Variants in RALGAPA2 observed in about 807,000 individuals in gnomAD.
The protein encoded by RALGAPA2 is ral GTPase-activating protein subunit alpha-2.
In RALGAPA2, 139 loss-of-function variants were observed where a neutral mutation model predicts 230.4. That is an observed-to-expected ratio of 0.60 (90% CI 0.53 to 0.69). The LOEUF (loss-of-function observed/expected upper bound fraction) is 0.69, where lower values mean the gene tolerates loss of function less well. RALGAPA2 is among the 30% of genes least tolerant of loss of function. The pLI is 0.00. For missense variants in RALGAPA2, 2,163 were observed against 2,276.0 expected (o/e 0.95, Z 1.01); for synonymous variants, 847 against 837.8 (o/e 1.01, Z -0.19).
intron 4 of RALGAPA2, among the ~76,000 whole-genome samples, chr20:20,647,329 G>C (rs949369217): frequency 6.6e-6 from 1 of 152,108 alleles, no homozygotes; most frequent in Non-Finnish European, 1.5e-5. Context: ...AAGCAAGAAA[G>C]AGAGAAACTC....
At chr20:20,579,271 G>A (rs911023683) in intron 20 of RALGAPA2, among the ~76,000 whole-genome samples, 6 of 152,176 alleles carry the variant, frequency 3.9e-5, no homozygotes, top group African/African-American at 1.4e-4. Flanking sequence ...AGCTTAAAGT[G>A]TATTTGTTCG....
At chr20:20,652,106 C>T (rs1174775097) in intron 4 of RALGAPA2, among the ~76,000 whole-genome samples, 1 of 152,166 alleles carries the variant, frequency 6.6e-6, no homozygotes, top group Non-Finnish European at 1.5e-5. Flanking sequence ...TTGACATATA[C>T]ACTTTTTTAA....
chr20:20,638,257 T>C (rs974756262), intron 7 of RALGAPA2, among the ~76,000 whole-genome samples: 3 of 152,146 alleles, frequency 2.0e-5, no homozygotes, highest in Non-Finnish European at 4.4e-5. Flanking sequence ...GACCTGTTGG[T>C]GGTTCTTAAT....
chr20:20,496,872 A>G (rs116092063), intron 35 of RALGAPA2, among the ~76,000 whole-genome samples: 247 of 152,286 alleles, frequency 1.6e-3, no homozygotes, highest in African/African-American at 5.8e-3. Context: ...GTACAGGCCA[A>G]TTATTTAAAA....
intron 37 of RALGAPA2, among the ~76,000 whole-genome samples, chr20:20,443,724 G>A (rs1164940924): frequency 1.3e-5 from 2 of 152,222 alleles, no homozygotes; most frequent in Non-Finnish European, 2.9e-5. Context: ...ACTCCTCTGG[G>A]CCTGTTTCCG....
intron 20 of RALGAPA2, among the ~76,000 whole-genome samples, chr20:20,573,973 G>A (rs2064738237): frequency 6.6e-6 from 1 of 152,082 alleles, no homozygotes. Flanking sequence ...CCTGGGTCCG[G>A]TCATAAGTGT....
At chr20:20,673,782 G>C (rs1290401967) in intron 3 of RALGAPA2, among the ~76,000 whole-genome samples, 1 of 152,096 alleles carries the variant, frequency 6.6e-6, no homozygotes, top group East Asian at 1.9e-4. Context: ...AGAAATGCTT[G>C]ACAACAGGTT....
intron 37 of RALGAPA2, among the ~76,000 whole-genome samples, chr20:20,451,092 T>C (rs1015081829): frequency 2.6e-4 from 40 of 152,282 alleles, no homozygotes; most frequent in African/African-American, 9.1e-4. Flanking sequence ...CCTAATAAAT[T>C]TTTAGGCACA....
At chr20:20,553,817 T>C (rs995526880) in intron 23 of RALGAPA2, among the ~76,000 whole-genome samples, 8 of 152,204 alleles carry the variant, frequency 5.3e-5, no homozygotes, top group Admixed American at 4.6e-4. Flanking sequence ...TATAACTGCT[T>C]ATCTACAAAG....
At chr20:20,552,871 A>C (rs2063968314) in intron 23 of RALGAPA2, among the ~76,000 whole-genome samples, 1 of 152,148 alleles carries the variant, frequency 6.6e-6, no homozygotes, top group Non-Finnish European at 1.5e-5. Context: ...GCACAAGGAC[A>C]TACTTTACAT....
chr20:20,511,661 C>T (rs1301514627), intron 32 of RALGAPA2, among the ~76,000 whole-genome samples: 1 of 152,180 alleles, frequency 6.6e-6, no homozygotes, highest in Admixed American at 6.5e-5. Flanking sequence ...CTCCACTCCA[C>T]TATCAGGGTC....
At chr20:20,641,954 C>G (rs374898254) in intron 5 of RALGAPA2, among the ~76,000 whole-genome samples, 1 of 151,582 alleles carries the variant, frequency 6.6e-6, no homozygotes, top group Non-Finnish European at 1.5e-5. Context: ...CAGTACTGCC[C>G]CATTAACGGG....
intron 20 of RALGAPA2, among the ~76,000 whole-genome samples, chr20:20,581,093 T>G (rs1383291835): frequency 6.6e-6 from 1 of 152,170 alleles, no homozygotes; most frequent in Admixed American, 6.6e-5. Flanking sequence ...GTGTACTGAT[T>G]CTCTATATTA....
chr20:20,613,452 T>C (rs1451574980), intron 13 of RALGAPA2, among the ~76,000 whole-genome samples: 1 of 152,230 alleles, frequency 6.6e-6, no homozygotes, highest in Non-Finnish European at 1.5e-5. Flanking sequence ...TCAGCCACCA[T>C]CATCTATGGC....
chr20:20,477,714 T>C (rs1438772979), intron 36 of RALGAPA2, among the ~76,000 whole-genome samples: 2 of 152,138 alleles, frequency 1.3e-5, no homozygotes, highest in African/African-American at 2.4e-5. Flanking sequence ...GCCTCCCAAG[T>C]AGCTCAGACT....
chr20:20,641,572 T>A (rs1435093531), intron 5 of RALGAPA2, among the ~76,000 whole-genome samples: 2 of 152,274 alleles, frequency 1.3e-5, no homozygotes, highest in Non-Finnish European at 2.9e-5. Context: ...GTCCTTTTTC[T>A]TTCTTTACAC....
Position 20,433,741 on chromosome 20 carries a change from T to C in RALGAPA2, c.5496-21593A>G, listed in dbSNP as rs117898064. On this transcript the variant is annotated intron_variant, in intron 37 of 39. Transcript: ENST00000202677. ...AGACAAGGTCAGCTGATAAATGAGATAGTCTGGATGTTTTTGTGAGATGAA... is the reference window on the plus strand; with the variant it reads ...AGACAAGGTCAGCTGATAAATGAGACAGTCTGGATGTTTTTGTGAGATGAA... Among the ~76,000 whole-genome samples the C allele has an allele frequency of 2.2e-4, 33 of 152,050 alleles. 1 individual carries two copies. The East Asian group carries it at 5.6e-3, about 26-fold the overall frequency.
At chr20:20,501,901 G>A (rs191400848) in intron 35 of RALGAPA2, among the ~76,000 whole-genome samples, 7 of 152,272 alleles carry the variant, frequency 4.6e-5, no homozygotes, top group Admixed American at 2.0e-4. Flanking sequence ...AAGATACATA[G>A]GGGAACGGCC....
chr20:20,440,259 T>A (rs914589028), intron 37 of RALGAPA2, among the ~76,000 whole-genome samples: 4 of 152,188 alleles, frequency 2.6e-5, no homozygotes, highest in Admixed American at 6.5e-5. Context: ...TTTGGGTTAC[T>A]ATGGAATTCG....
Sources: allele counts gnomAD v4.1 joint callset (sites outside exome capture counted in the v4.1 genomes callset), GRCh38; gene constraint gnomAD v4.1.1; transcripts MANE v1.5; gene names NCBI Gene and HGNC (gene_info 2026-07-23, HGNC 2026-07-21).